Variants in SMAD4 observed in about 807,000 individuals in gnomAD.
SMAD4 encodes MAD homolog 4.
A neutral mutation model predicts 63.2 loss-of-function variants in SMAD4; 7 were observed. That is an observed-to-expected ratio of 0.11 (90% CI 0.06 to 0.21). SMAD4 has a LOEUF of 0.21. SMAD4 is among the 10% of genes least tolerant of loss of function. The pLI is 1.00. For synonymous variants in SMAD4, 215 were observed against 235.4 expected (o/e 0.91, Z 0.79); for missense variants, 312 against 693.8 (o/e 0.45, Z 6.18).
chr18:51,033,484 C>G (rs2144373605), intron 1 of SMAD4, among the ~76,000 whole-genome samples: 1 of 152,362 alleles, frequency 6.6e-6, no homozygotes, highest in Admixed American at 6.5e-5. Context: ...GCCACTGCGC[C>G]TGTCCTATAA....
chr18:51,065,671 A>G, intron 9 of SMAD4, 65 bp downstream of exon 9: 1 of 1,336,584 alleles, frequency 7.5e-7, no homozygotes, highest in Non-Finnish European at 1.1e-6. Flanking sequence ...CTTTTATTCA[A>G]GGTTATGTTT....
intron 1 of SMAD4, among the ~76,000 whole-genome samples, chr18:51,035,116 C>G (rs191234360): frequency 4.9e-4 from 75 of 152,304 alleles, no homozygotes; most frequent in Admixed American, 1.4e-3. Flanking sequence ...GAAAGTATTG[C>G]CACATTTGCT....
intron 8 of SMAD4, 129 bp downstream of exon 8, chr18:51,060,045 G>GTT: frequency 1.4e-6 from 1 of 735,584 alleles, no homozygotes; most frequent in East Asian, 2.6e-5. Flanking sequence ...CATGACATGA[G>GTT]TTAATCAACA....
chr18:51,033,142 C>G (rs1909098930), intron 1 of SMAD4, among the ~76,000 whole-genome samples: 1 of 149,556 alleles, frequency 6.7e-6, no homozygotes, highest in African/African-American at 2.5e-5. Context: ...AAAATGTTTT[C>G]ATTGTTTTCT....
chr18:51,051,304 C>T lies in SMAD4; in HGVS notation c.454+1980C>T, dbSNP rs780561242. 1.1e-5 allele frequency: 5 copies of T among 452,154 alleles called. No homozygotes were observed. The Admixed American group carries it at 1.2e-4, about 11-fold the overall frequency. 28.0% of individuals were successfully genotyped at this position (452,154 alleles called of 1,614,324 possible). A position where few individuals can be genotyped will look rare whatever the true frequency, so the allele number is the denominator to read the frequency against. ...AGGGCTGTATTCAGCCTTGTAGATCCCCCTAGTGGTGGTTTTGTAAAGGCT... is the reference window on the plus strand; with the variant it reads ...AGGGCTGTATTCAGCCTTGTAGATCTCCCTAGTGGTGGTTTTGTAAAGGCT... On this transcript the variant is annotated intron_variant, in intron 4 of 11. Coordinates refer to ENST00000342988, the MANE Select transcript of SMAD4 (RefSeq NM_005359.6).
chr18:51,061,861 A>G (rs191229716), intron 8 of SMAD4, among the ~76,000 whole-genome samples: 77 of 152,266 alleles, frequency 5.1e-4, no homozygotes, highest in African/African-American at 1.8e-3. Flanking sequence ...CTTTGTGTAA[A>G]TGTTCTGTTA....
rs767832093 is a variant in SMAD4, at chr18:51,081,872, A to G, written c.*3405A>G. On this transcript the variant is annotated 3_prime_UTR_variant, in exon 12 of 12. Coordinates refer to ENST00000342988, the MANE Select transcript of SMAD4 (RefSeq NM_005359.6). ...TACTATTAATGCTCCTTAAGTGTCT[A>G]TGGAGGTTAAAGAATAAAATGGTAA... 6.5e-5 allele frequency: 15 copies of G among 232,244 alleles called. No homozygotes were observed. Among genetic ancestry groups the G allele is most frequent in the Admixed American group, 2.8e-4 (5 of 17,770 alleles). The allele number at this position is 232,244 out of a possible 1,614,324, so 14.4% of individuals were successfully genotyped here. A position where few individuals can be genotyped will look rare whatever the true frequency, so the allele number is the denominator to read the frequency against.
Position 51,053,829 on chromosome 18 carries a change from A to C in SMAD4, c.455-952A>C, listed in dbSNP as rs539943256. The C allele has an allele frequency of 2.6e-5, 4 of 152,320 alleles. No individual in the cohort carries two copies. In the East Asian group the frequency reaches 5.8e-4, roughly 22 times the overall value. The allele number at this position is 152,320 out of a possible 1,614,324, so 9.4% of individuals were successfully genotyped here. On this transcript the variant is annotated intron_variant, in intron 4 of 11. Transcript: ENST00000342988. ...ACTAATTGACTGCTTTAAGAAGAGA[A>C]CCTACTGTTAGTTCAGTGGATTGTT...
chr18:51,078,482 G>A lies in SMAD4; in HGVS notation c.*15G>A, dbSNP rs2144480025. 1 of 1,581,728 alleles carries A rather than the reference G, an allele frequency of 6.3e-7. No individual in the cohort carries two copies. The highest frequency in any genetic ancestry group is 8.7e-7 in the Non-Finnish European group (1 of 1,151,206). ...CTTTAGACTGAGGTCTTTTACCGTT[G>A]GGGCCCTTAACCTTATCAGGATGGT... On this transcript the variant is annotated 3_prime_UTR_variant, in exon 12 of 12. Transcript: ENST00000342988.
chr18:51,031,574 C>G (rs1568198563), intron 1 of SMAD4, among the ~76,000 whole-genome samples: 1 of 152,118 alleles, frequency 6.6e-6, no homozygotes, highest in Admixed American at 6.6e-5. Context: ...AGCGGAATTA[C>G]CCTGAATTGA....
Position 51,082,672 on chromosome 18 carries a change from C to G in SMAD4, c.*4205C>G, listed in dbSNP as rs1910638383. The G allele has an allele frequency of 4.3e-6, 1 of 231,084 alleles. No homozygotes were observed. Among genetic ancestry groups the G allele is most frequent in the Non-Finnish European group, 8.5e-6 (1 of 117,110 alleles). 14.3% of individuals were successfully genotyped at this position (231,084 alleles called of 1,614,324 possible). ...TTGTGGACTTCAGGGGCTTCTAAAA[C>G]AGACAGGACTGTGTTGCCTTTACTA... On this transcript the variant is annotated 3_prime_UTR_variant, in exon 12 of 12. Coordinates refer to ENST00000342988, the MANE Select transcript of SMAD4 (RefSeq NM_005359.6).
intron 4 of SMAD4, chr18:51,049,565 A>C: frequency 2.1e-6 from 1 of 484,090 alleles, no homozygotes; most frequent in Non-Finnish European, 3.7e-6. Flanking sequence ...ACTGTAAAAA[A>C]ATATGATAGA....
At position 51,081,752 on chromosome 18, in the gene SMAD4, C is replaced by CA. The variant is rs1910617902; in HGVS notation, c.*3286dup. On this transcript the variant is annotated 3_prime_UTR_variant, in exon 12 of 12. Transcript: ENST00000342988. The stretch of plus-strand genomic sequence containing the variant: ...AATGTCCTGTCTCCCAGATGATATA[C>CA]ATCTTATTATTTTTAAAGTTTATTG... The CA allele has an allele frequency of 4.3e-6, 1 of 232,616 alleles. No individual in the cohort carries two copies. The highest frequency in any genetic ancestry group is 2.2e-5 in the African/African-American group (1 of 45,372). The allele number at this position is 232,616 out of a possible 1,614,324, so 14.4% of individuals were successfully genotyped here. A position where few individuals can be genotyped will look rare whatever the true frequency, so the allele number is the denominator to read the frequency against.
chr18:51,039,300 G>C (rs1909303726), intron 1 of SMAD4, among the ~76,000 whole-genome samples: 2 of 152,184 alleles, frequency 1.3e-5, no homozygotes, highest in South Asian at 2.1e-4. Flanking sequence ...ACATGTAAGA[G>C]TCAGACTTAA....
rs745430558 is a variant in SMAD4 at position 51,046,898 on chromosome 18, CTT to C, written c.-127-11_-127-10del. 109 of 538,532 alleles carry C rather than the reference CTT, an allele frequency of 2.0e-4. No homozygotes were observed. The highest frequency in any genetic ancestry group is 4.4e-4 in the South Asian group (18 of 40,570). The allele number at this position is 538,532 out of a possible 1,614,324, so 33.4% of individuals were successfully genotyped here. A position where few individuals can be genotyped will look rare whatever the true frequency, so the allele number is the denominator to read the frequency against. ...TCGTAAAATGTGTTCTGATGTGTGT[CTT>C]TTTTTTTTTTCTTTTTTAGGTTATC... On this transcript the variant is annotated intron_variant, in intron 1 of 11. Transcript: ENST00000342988.
chr18:51,066,276 G>A lies in SMAD4; in HGVS notation c.1139+670G>A, dbSNP rs1910147457. 3.3e-5 allele frequency among the ~76,000 whole-genome samples: 5 copies of A among 151,596 alleles called. No individual in the cohort carries two copies. The South Asian group carries it at 1.0e-3, about 32-fold the overall frequency. On this transcript the variant is annotated intron_variant, in intron 9 of 11. Coordinates refer to ENST00000342988, the MANE Select transcript of SMAD4 (RefSeq NM_005359.6). ...GGAGAATTGCTTGAACCCAGGAGGTGGAGGTTGCAGTGAGCTGAGATCGTG... is the reference window on the plus strand; with the variant it reads ...GGAGAATTGCTTGAACCCAGGAGGTAGAGGTTGCAGTGAGCTGAGATCGTG...
At chr18:51,055,940 T>G (rs1447537331) in intron 5 of SMAD4, among the ~76,000 whole-genome samples, 2 of 152,182 alleles carry the variant, frequency 1.3e-5, no homozygotes, top group East Asian at 3.8e-4. Flanking sequence ...CTGATTTCTG[T>G]AATTGTGAGT....
chr18:51,065,288 G>C, intron 8 of SMAD4, 135 bp from the exon 9 acceptor site: 2 of 741,468 alleles, frequency 2.7e-6, no homozygotes, highest in African/African-American at 1.7e-5. Context: ...TTTTAATCCA[G>C]TTGTTTTGGG....
At chr18:51,059,467 C>G (rs1909945765) in intron 7 of SMAD4, among the ~76,000 whole-genome samples, 2 of 152,208 alleles carry the variant, frequency 1.3e-5, no homozygotes, top group Non-Finnish European at 2.9e-5. Flanking sequence ...GCTATGATTC[C>G]ATTAAATAAA....
Sources: gnomAD v4.1 joint callset for allele counts (sites outside exome capture counted in the v4.1 genomes callset) on GRCh38, gnomAD v4.1.1 for gene constraint, MANE v1.5 for transcripts, NCBI Gene and HGNC (gene_info 2026-07-23, HGNC 2026-07-21) for gene names.